SLAIN2: variants seen among roughly 807,000 people sequenced by gnomAD.
SLAIN2 encodes the protein SLAIN family member 2.
Under a neutral mutation model 56.6 loss-of-function variants are expected in SLAIN2, and 31 were observed. That is an observed-to-expected ratio of 0.55 (90% CI 0.41 to 0.74). The LOEUF is 0.74. Ranked by LOEUF, SLAIN2 falls within the 30% of genes least tolerant of loss-of-function variation. The pLI is 0.00. For synonymous variants in SLAIN2, 317 were observed against 284.9 expected (o/e 1.11, Z -1.13); for missense variants, 777 against 754.2 (o/e 1.03, Z -0.35).
chr4:48,371,411 T>C (rs1436856830), intron 2 of SLAIN2, among the ~76,000 whole-genome samples: 1 of 152,188 alleles, frequency 6.6e-6, no homozygotes, highest in Non-Finnish European at 1.5e-5. Flanking sequence ...CTTTATGTGA[T>C]TTTTTAAATG....
At chr4:48,374,243 T>C (rs1241965208) in intron 2 of SLAIN2, among the ~76,000 whole-genome samples, 6 of 152,080 alleles carry the variant, frequency 3.9e-5, no homozygotes, top group Non-Finnish European at 8.8e-5. Context: ...CTTTATTCTT[T>C]TTCTTTTTTT....
rs36096623 is a variant in SLAIN2, at chr4:48,368,051, C to CTTTTTTTTTTTTTTTTTTTTTTTTTTT, written c.390-1785_390-1784insTTTTTTTTTTTTTTTTTTTTTTTTTTT. Among the ~76,000 whole-genome samples the CTTTTTTTTTTTTTTTTTTTTTTTTTTT allele has an allele frequency of 2.7e-4, 24 of 88,812 alleles. 4 individuals are homozygous for CTTTTTTTTTTTTTTTTTTTTTTTTTTT. Among genetic ancestry groups the CTTTTTTTTTTTTTTTTTTTTTTTTTTT allele is most frequent in the Non-Finnish European group, 3.3e-4 (17 of 50,934 alleles). The allele number at this position is 88,812 out of a possible 152,430, so 58.3% of individuals were successfully genotyped here. ...TTCACTGAACGTAGTGTTTTTGAGG[C>CTTTTTTTTTTTTTTTTTTTTTTTTTTT]TTTTTTTTTTTTTGACAGTGTTGCT... On this transcript the variant is annotated intron_variant, in intron 1 of 7. Coordinates refer to ENST00000264313, the MANE Select transcript of SLAIN2 (RefSeq NM_020846.2).
intron 1 of SLAIN2, among the ~76,000 whole-genome samples, chr4:48,345,956 C>T (rs1349725379): frequency 6.7e-6 from 1 of 149,666 alleles, no homozygotes; most frequent in Non-Finnish European, 1.5e-5. Context: ...TATCTATTAT[C>T]GTCAGGCCCA....
chr4:48,410,352 AT>A (rs774651742), intron 6 of SLAIN2, among the ~76,000 whole-genome samples: 31 of 150,990 alleles, frequency 2.1e-4, no homozygotes, highest in Non-Finnish European at 3.4e-4. Flanking sequence ...CAGATCCATG[AT>A]TTGTAAATAT....
intron 2 of SLAIN2, 124 bp from the exon 3 acceptor site, chr4:48,377,772 C>A: frequency 1.1e-6 from 1 of 945,586 alleles, no homozygotes; most frequent in South Asian, 1.6e-5. Context: ...CCCCCACTAC[C>A]ATAAGAATAT....
At chr4:48,355,897 A>G (rs1434533080) in intron 1 of SLAIN2, among the ~76,000 whole-genome samples, 2 of 152,138 alleles carry the variant, frequency 1.3e-5, no homozygotes, top group African/African-American at 2.4e-5. Flanking sequence ...TAGAATCTAT[A>G]GGAATACTAC....
chr4:48,413,172 GA>G (rs1716909840), intron 6 of SLAIN2, among the ~76,000 whole-genome samples: 1 of 151,748 alleles, frequency 6.6e-6, no homozygotes, highest in Non-Finnish European at 1.5e-5. Flanking sequence ...ACGTTGCAGT[GA>G]ACCAAGTTTG....
At chr4:48,407,251 CTT>C in intron 6 of SLAIN2, among the ~76,000 whole-genome samples, 1 of 151,934 alleles carries the variant, frequency 6.6e-6, no homozygotes, top group African/African-American at 2.4e-5. Context: ...TATATTGACT[CTT>C]ATGTTTCTCC....
intron 1 of SLAIN2, among the ~76,000 whole-genome samples, chr4:48,356,456 A>C (rs374347287): frequency 4.2e-4 from 63 of 151,676 alleles, no homozygotes; most frequent in African/African-American, 1.0e-3. Flanking sequence ...CTGAAAAGAT[A>C]TGTACTAGTA....
At chr4:48,343,001 C>A (rs563618264) in intron 1 of SLAIN2, among the ~76,000 whole-genome samples, 2 of 152,076 alleles carry the variant, frequency 1.3e-5, no homozygotes, top group East Asian at 3.9e-4. Context: ...CTTTTCCTCT[C>A]GTTTTATTAT....
intron 7 of SLAIN2, 30 bp from the exon 8 acceptor site, chr4:48,421,981 A>C: frequency 2.6e-6 from 4 of 1,536,760 alleles, no homozygotes; most frequent in Non-Finnish European, 3.6e-6. Context: ...ACATTTATCA[A>C]ATTTTAATTA....
In SLAIN2 at chr4:48,342,003, C is replaced by T. The variant is rs759241778; in HGVS notation, c.264C>T (p.Ser88=). The change falls in exon 1 of 8, where the codon AGC becomes AGT. Residue 88 remains serine (S), a synonymous_variant. Coordinates refer to ENST00000264313, the MANE Select transcript of SLAIN2 (RefSeq NM_020846.2). The stretch of plus-strand genomic sequence containing the variant: ...GGTCGGGCCCGAGGCGGACGAGTAG[C>T]GAAGAGCTGCGGGACGCCACCTCCT... ...GPGSGPRRTS[S]EELRDATSLL... is the part of the protein sequence containing the mutation. 8.4e-6 allele frequency: 12 copies of T among 1,422,718 alleles called. No homozygotes were observed. In the South Asian group the frequency reaches 1.8e-4, roughly 22 times the overall value. 88.1% of individuals were successfully genotyped at this position (1,422,718 alleles called of 1,614,324 possible). A position where few individuals can be genotyped will look rare whatever the true frequency, so the allele number is the denominator to read the frequency against.
At chr4:48,380,313 G>A (rs911621145) in intron 4 of SLAIN2, among the ~76,000 whole-genome samples, 1 of 151,902 alleles carries the variant, frequency 6.6e-6, no homozygotes, top group Non-Finnish European at 1.5e-5. Context: ...ATATGTTTAA[G>A]TACTATGAGG....
chr4:48,424,880 A>G lies in SLAIN2; in HGVS notation c.*2803A>G, dbSNP rs184354519. The G allele has an allele frequency of 2.6e-5, 4 of 152,298 alleles. No individual in the cohort carries two copies. The highest frequency in any genetic ancestry group is 1.3e-4 in the Admixed American group (2 of 15,296). 9.4% of individuals were successfully genotyped at this position (152,298 alleles called of 1,614,324 possible). A position where few individuals can be genotyped will look rare whatever the true frequency, so the allele number is the denominator to read the frequency against. On this transcript the variant is annotated 3_prime_UTR_variant, in exon 8 of 8. Transcript: ENST00000264313. ...TTTAAATTAACTTTTTATTGAATGT[A>G]CAGGTGTCCATTTTTGACGTTAAGC... is the stretch of plus-strand genomic sequence containing the variant.
At chr4:48,356,225 A>G (rs985446919) in intron 1 of SLAIN2, among the ~76,000 whole-genome samples, 3 of 152,234 alleles carry the variant, frequency 2.0e-5, no homozygotes, top group African/African-American at 7.2e-5. Flanking sequence ...ACTAAAAAGC[A>G]AAGTACTCTA....
intron 6 of SLAIN2, among the ~76,000 whole-genome samples, chr4:48,395,050 C>G (rs1716342779): frequency 6.6e-6 from 1 of 152,194 alleles, no homozygotes; most frequent in Non-Finnish European, 1.5e-5. Flanking sequence ...AATGGGAACA[C>G]TTCCACATTA....
At chr4:48,360,673 C>G (rs1715301743) in intron 1 of SLAIN2, among the ~76,000 whole-genome samples, 2 of 152,088 alleles carry the variant, frequency 1.3e-5, no homozygotes, top group South Asian at 4.1e-4. Flanking sequence ...TTAACGTATT[C>G]ACAGAATAGT....
At chr4:48,365,910 A>T (rs1577716408) in intron 1 of SLAIN2, among the ~76,000 whole-genome samples, 2 of 152,066 alleles carry the variant, frequency 1.3e-5, no homozygotes, top group East Asian at 1.9e-4. Flanking sequence ...AGCTTAGATT[A>T]TTGATTTTAG....
Position 48,360,716 on chromosome 4 carries a change from T to G in SLAIN2, c.390-9133T>G, listed in dbSNP as rs1386872807. ...TCACCATAATTTAGTTTTATAGTAT[T>G]TTCAGCATACTGAAAAGAAACCCTG... is the stretch of plus-strand genomic sequence containing the variant. On this transcript the variant is annotated intron_variant, in intron 1 of 7. Coordinates refer to ENST00000264313, the MANE Select transcript of SLAIN2 (RefSeq NM_020846.2). Among the ~76,000 whole-genome samples the G allele has an allele frequency of 2.0e-5, 3 of 152,244 alleles. No homozygotes were observed. In the East Asian group the frequency reaches 5.8e-4, roughly 29 times the overall value.
Sources: gnomAD v4.1 joint callset for allele counts (sites outside exome capture counted in the v4.1 genomes callset) on GRCh38, gnomAD v4.1.1 for gene constraint, MANE v1.5 for transcripts, NCBI Gene and HGNC (gene_info 2026-07-23, HGNC 2026-07-21) for gene names.